SV2C: variants seen among roughly 807,000 people sequenced by gnomAD.
The protein encoded by SV2C is solute carrier family 22 member B3.
SV2C carries 49 observed loss-of-function variants against 79.7 expected under a neutral mutation model. The ratio of observed to expected loss-of-function variants is 0.61; its 90% CI spans 0.49 to 0.78. The LOEUF (loss-of-function observed/expected upper bound fraction) is 0.78. SV2C is among the 30% of genes least tolerant of loss of function. The pLI, the probability that SV2C is intolerant of heterozygous loss-of-function variation, is 0.00. For synonymous variants in SV2C, 334 were observed against 333.2 expected, an observed-to-expected ratio of 1.00 and a Z score of -0.03; for missense variants, 833 against 912.9, an observed-to-expected ratio of 0.91 and a Z score of 1.13.
intron 1 of SV2C, among the ~76,000 whole-genome samples, chr5:76,122,357 T>G (rs1456987012): frequency 6.6e-6 from 1 of 151,482 alleles, no homozygotes; most frequent in African/African-American, 2.4e-5. Flanking sequence ...TTGAATACCC[T>G]TTATTTCCTT....
chr5:76,273,825 C>G (rs907042642), intron 4 of SV2C, among the ~76,000 whole-genome samples: 15 of 152,172 alleles, frequency 9.9e-5, no homozygotes, highest in African/African-American at 3.6e-4. Context: ...GTGCTGCAGG[C>G]AGATCGCTGC....
chr5:75,868,062 A>G, the SV2C span, among the ~76,000 whole-genome samples: 19 of 152,346 alleles, frequency 1.2e-4, no homozygotes, highest in South Asian at 2.1e-4. Flanking sequence ...AACATTTATG[A>G]AGGGCCAGGA....
At chr5:76,088,378 G>A (rs1169004572) in intron 1 of SV2C, among the ~76,000 whole-genome samples, 1 of 152,100 alleles carries the variant, frequency 6.6e-6, no homozygotes, top group African/African-American at 2.4e-5. Context: ...TTTTAGACTG[G>A]GTAATTTAGA....
chr5:76,070,031 A>G, the SV2C span, among the ~76,000 whole-genome samples: 1 of 151,984 alleles, frequency 6.6e-6, no homozygotes, highest in African/African-American at 2.4e-5. Context: ...TATTCCTGGA[A>G]ACTGTCTCTC....
chr5:76,332,079 C>G lies in SV2C; in HGVS notation c.*6532C>G, dbSNP rs1251812883. The G allele has an allele frequency of 2.0e-5, 3 of 152,208 alleles. No individual in the cohort carries two copies. In the East Asian group the frequency reaches 5.8e-4, roughly 29 times the overall value. The allele number at this position is 152,208 out of a possible 1,614,324, so 9.4% of individuals were successfully genotyped here. On this transcript the variant is annotated 3_prime_UTR_variant, in exon 13 of 13. Transcript: ENST00000502798. ...GTACTCTCCATGTCTGCAGAAGATTCCCCACTTGGTGCTGAAGGCTAGGTG... is the reference window on the plus strand; with the variant it reads ...GTACTCTCCATGTCTGCAGAAGATTGCCCACTTGGTGCTGAAGGCTAGGTG...
At chr5:75,945,935 G>T in the SV2C span, among the ~76,000 whole-genome samples, 1 of 151,956 alleles carries the variant, frequency 6.6e-6, no homozygotes, top group Non-Finnish European at 1.5e-5. Context: ...AGGCAGTGCT[G>T]ATAATGAAAT....
At chr5:76,193,292 A>C (rs1482515306) in intron 2 of SV2C, among the ~76,000 whole-genome samples, 1 of 152,128 alleles carries the variant, frequency 6.6e-6, no homozygotes, top group Non-Finnish European at 1.5e-5. Flanking sequence ...TGAAAGTCCA[A>C]ATGCCTTCAG....
At chr5:75,896,053 T>C in the SV2C span, among the ~76,000 whole-genome samples, 1 of 151,978 alleles carries the variant, frequency 6.6e-6, no homozygotes, top group African/African-American at 2.4e-5. Flanking sequence ...TGGATAGTTC[T>C]TTTTTTATTT....
At chr5:76,073,503 G>GTATATATATATATATA in the SV2C span, among the ~76,000 whole-genome samples, 25 of 67,436 alleles carry the variant, frequency 3.7e-4, no homozygotes, top group Non-Finnish European at 4.9e-4. Flanking sequence ...GTATGTGTGT[G>GTATATATATATATATA]TATATATATA....
Position 76,333,158 on chromosome 5 carries a change from C to A in SV2C, c.*7611C>A, listed in dbSNP as rs765523730. On this transcript the variant is annotated 3_prime_UTR_variant, in exon 13 of 13. Transcript: ENST00000502798. ...AACTCCTTTCTTGCCTTGATATTCA[C>A]CAGGCCTACCTAGATAGAACTTGAC... is the stretch of plus-strand genomic sequence containing the variant. 6.6e-6 allele frequency: 1 copy of A among 152,192 alleles called. No homozygotes were observed. Among genetic ancestry groups the A allele is most frequent in the Non-Finnish European group, 1.5e-5 (1 of 68,032 alleles). 9.4% of individuals were successfully genotyped at this position (152,192 alleles called of 1,614,324 possible).
At chr5:75,865,250 G>A in the SV2C span, among the ~76,000 whole-genome samples, 1 of 152,184 alleles carries the variant, frequency 6.6e-6, no homozygotes, top group Admixed American at 6.5e-5. Flanking sequence ...TCAAAAGATG[G>A]AACAGTCCAT....
intron 4 of SV2C, among the ~76,000 whole-genome samples, chr5:76,251,246 C>G (rs1053231441): frequency 6.6e-6 from 1 of 152,012 alleles, no homozygotes; most frequent in Non-Finnish European, 1.5e-5. Flanking sequence ...CAGGGCTCAT[C>G]AAAGCACAGG....
At chr5:76,223,483 A>ACG (rs1745143281) in intron 4 of SV2C, among the ~76,000 whole-genome samples, 1 of 50,494 alleles carries the variant, frequency 2.0e-5, no homozygotes, top group Non-Finnish European at 3.3e-5. Flanking sequence ...ATATATATAT[A>ACG]TATATATATA....
At chr5:76,349,334 A>G (rs963102560) in intron 12 of SV2C, among the ~76,000 whole-genome samples, 2 of 152,154 alleles carry the variant, frequency 1.3e-5, no homozygotes, top group African/African-American at 4.8e-5. Context: ...CAACATAGCA[A>G]AATCCCTGTC....
the SV2C span, among the ~76,000 whole-genome samples, chr5:76,062,463 G>C: frequency 1.3e-5 from 2 of 152,106 alleles, no homozygotes; most frequent in African/African-American, 2.4e-5. Context: ...CAATGAACCT[G>C]CTGGCACCTT....
chr5:76,353,323 A>C, exon 13 of SV2C: 1 of 220,770 alleles, frequency 4.5e-6, no homozygotes, highest in South Asian at 4.5e-5. Flanking sequence ...AACTTAGTAG[A>C]TTTCTTTATT....
the SV2C span, among the ~76,000 whole-genome samples, chr5:75,972,122 T>C: frequency 6.6e-6 from 1 of 152,132 alleles, no homozygotes; most frequent in African/African-American, 2.4e-5. Context: ...TGGCTAGCCA[T>C]ATGTAGAAAG....
At chr5:76,128,846 G>A (rs758255886) in intron 1 of SV2C, among the ~76,000 whole-genome samples, 20 of 152,122 alleles carry the variant, frequency 1.3e-4, no homozygotes, top group Non-Finnish European at 2.6e-4. Flanking sequence ...AGCTGCTTGC[G>A]GACCTTCTTA....
intron 12 of SV2C, among the ~76,000 whole-genome samples, chr5:76,348,413 G>GT (rs1175825642): frequency 1.3e-5 from 2 of 152,150 alleles, no homozygotes; most frequent in Non-Finnish European, 2.9e-5. Flanking sequence ...CCATATGCAA[G>GT]TTTTTGTATG....
Sources: gnomAD v4.1 joint callset for allele counts (sites outside exome capture counted in the v4.1 genomes callset) on GRCh38, gnomAD v4.1.1 for gene constraint, MANE v1.5 for transcripts, NCBI Gene and HGNC (gene_info 2026-07-23, HGNC 2026-07-21) for gene names.